The following FREM1 variants were observed in gnomAD, a reference collection of about 807,000 sequenced individuals.
FREM1 encodes FRAS1 related extracellular matrix 1.
A neutral mutation model predicts 210.1 loss-of-function variants in FREM1; 220 were observed. That is an observed-to-expected ratio of 1.05 (90% CI 0.94 to 1.17). FREM1 has a LOEUF of 1.17. Ranked by LOEUF, FREM1 falls within the 50% of genes most tolerant of loss-of-function variation. FREM1 has a pLI of 0.00. For missense variants in FREM1, 3,454 were observed against 2,675.5 expected (o/e 1.29, Z -6.42); for synonymous variants, 1,189 against 980.2 (o/e 1.21, Z -3.98).
At chr9:14,910,468 G>A (rs191013239), upstream of FREM1, 41 of 152,914 alleles carry the variant, frequency 2.7e-4, no homozygotes, top group Non-Finnish European at 6.0e-4. Flanking sequence ...AGCCTCTCCC[G>A]CCTGCAGCAC....
At chr9:14,795,967 A>G (rs1319558177) in intron 21 of FREM1, among the ~76,000 whole-genome samples, 9 of 152,178 alleles carry the variant, frequency 5.9e-5, no homozygotes. Flanking sequence ...GACAGCCTTC[A>G]TATTTTCATA....
chr9:14,806,715 C>A lies in FREM1; in HGVS notation c.3220G>T (p.Glu1074Ter), dbSNP rs746156557. The change falls in exon 18 of 37, where the codon GAA becomes TAA. Residue 1074 changes from glutamate to a stop codon, truncating the protein, a stop_gained. Transcript: ENST00000380880. LOFTEE classifies it high-confidence loss of function. ...AAACCCACAGAAGGGAGTATATTTT[C>A]GAGGTAGCCAAACTGAGGAGGAGAA... ...LVSPPQFGYL[E>*]NILPSVGFEK... is the part of the protein sequence containing the mutation. The A allele has an allele frequency of 2.5e-6, 4 of 1,603,824 alleles. No individual in the cohort carries two copies. The highest frequency in any genetic ancestry group is 3.4e-6 in the Non-Finnish European group (4 of 1,174,986).
chr9:14,884,701 CTG>C (rs1355523735), intron 1 of FREM1, among the ~76,000 whole-genome samples: 1 of 152,106 alleles, frequency 6.6e-6, no homozygotes, highest in African/African-American at 2.4e-5. Flanking sequence ...TTGAGATAAT[CTG>C]TGCACAACAA....
chr9:14,739,039 T>C (rs754917641), intron 36 of FREM1, among the ~76,000 whole-genome samples: 4 of 151,084 alleles, frequency 2.6e-5, no homozygotes, highest in African/African-American at 4.9e-5. Flanking sequence ...AGATTTATTA[T>C]TGTTAAAACT....
intron 8 of FREM1, among the ~76,000 whole-genome samples, chr9:14,844,750 A>G (rs929484204): frequency 3.9e-5 from 6 of 152,360 alleles, no homozygotes; most frequent in Middle Eastern, 3.4e-3. Context: ...TGTATGTGAC[A>G]TAGTTTGATA....
Position 14,859,231 on chromosome 9 carries a change from G to T in FREM1, c.583C>A (p.Pro195Thr), listed in dbSNP as rs779106239. 1 of 1,609,574 alleles carries T rather than the reference G, an allele frequency of 6.2e-7. No individual in the cohort carries two copies. Among genetic ancestry groups the T allele is most frequent in the East Asian group, 2.2e-5 (1 of 44,786 alleles). The change falls in exon 4 of 37, where the codon CCA becomes ACA. Residue 195 changes from proline to threonine, a missense_variant. Coordinates refer to ENST00000380880, the MANE Select transcript of FREM1 (RefSeq NM_001379081.2). ...GGCTGATCTCCACGAGGTTCTTCTG[G>T]TCGAGGCTCCCCGAGAACCATCTGG... Reference protein sequence around the residue: ...HGQMVLGEPRPEEPRGDQPHS... With the variant: ...HGQMVLGEPRTEEPRGDQPHS...
At chr9:14,820,498 G>A (rs1821094102) in intron 13 of FREM1, among the ~76,000 whole-genome samples, 1 of 152,188 alleles carries the variant, frequency 6.6e-6, no homozygotes, top group South Asian at 2.1e-4. Context: ...AAAGGAGGAT[G>A]ACAACAAATT....
intron 1 of FREM1, among the ~76,000 whole-genome samples, chr9:14,889,310 C>T (rs972071539): frequency 1.3e-5 from 2 of 152,198 alleles, no homozygotes; most frequent in Admixed American, 6.5e-5. Context: ...CAACATTGCC[C>T]CTTTAATCTT....
At position 14,824,013 on chromosome 9, in the gene FREM1, A is replaced by C. The variant is rs967793573; in HGVS notation, c.2169+12T>G. On this transcript the variant is annotated intron_variant, in intron 12 of 36. Transcript: ENST00000380880. ...GCATCATGTTTGTCAGCATTTTAGC[A>C]TATCCTCATACCTGAGTGAATGACC... is the stretch of plus-strand genomic sequence containing the variant. 3 of 1,540,568 alleles carry C rather than the reference A, an allele frequency of 1.9e-6. No homozygotes were observed. The highest frequency in any genetic ancestry group is 2.7e-6 in the Non-Finnish European group (3 of 1,126,854).
At chr9:14,908,212 GA>G (rs1818122634) in intron 1 of FREM1, among the ~76,000 whole-genome samples, 1 of 152,132 alleles carries the variant, frequency 6.6e-6, no homozygotes, top group Non-Finnish European at 1.5e-5. Flanking sequence ...TAACACCATG[GA>G]AGAATCATTT....
intron 29 of FREM1, among the ~76,000 whole-genome samples, chr9:14,752,305 A>C (rs527991558): frequency 6.6e-6 from 1 of 152,282 alleles, no homozygotes; most frequent in South Asian, 2.1e-4. Flanking sequence ...AGGAGGGAGG[A>C]AACAGGAAAA....
intron 5 of FREM1, among the ~76,000 whole-genome samples, chr9:14,854,912 C>T (rs1828441583): frequency 6.6e-6 from 1 of 151,950 alleles, no homozygotes; most frequent in Non-Finnish European, 1.5e-5. Flanking sequence ...ATAAAAGAAC[C>T]TTTGTTCAAT....
chr9:14,819,251 G>A lies in FREM1; in HGVS notation c.2529C>T (p.Leu843=), dbSNP rs758535373. ...NSGGTFSWGD[L]HTLKVRYQHD... is the part of the protein sequence containing the mutation. ...GTTCTAACCTAACTTTTAAGGTATG[G>A]AGATCGCCCCAAGAAAATGTGCCCC... The change falls in exon 14 of 37, where the codon CTC becomes CTT. Residue 843 remains leucine, a synonymous_variant. Transcript: ENST00000380880. The A allele has an allele frequency of 6.2e-7, 1 of 1,612,498 alleles. No homozygotes were observed. The highest frequency in any genetic ancestry group is 1.1e-5 in the South Asian group (1 of 90,892).
At chr9:14,829,048 T>C (rs1823038931) in intron 10 of FREM1, among the ~76,000 whole-genome samples, 1 of 152,264 alleles carries the variant, frequency 6.6e-6, no homozygotes, top group Non-Finnish European at 1.5e-5. Context: ...AGGTAAAATG[T>C]CTGGCACATA....
At chr9:14,793,599 G>A (rs546140248) in intron 21 of FREM1, among the ~76,000 whole-genome samples, 2 of 152,232 alleles carry the variant, frequency 1.3e-5, no homozygotes, top group South Asian at 4.1e-4. Flanking sequence ...CATTGTCCCT[G>A]GTCTCGCCAA....
chr9:14,778,094 T>A (rs978795016), intron 24 of FREM1, among the ~76,000 whole-genome samples: 2 of 152,126 alleles, frequency 1.3e-5, no homozygotes, highest in Non-Finnish European at 2.9e-5. Context: ...TTGTAAAGAA[T>A]GAAACCTCAT....
chr9:14,773,732 C>A (rs1848023930), intron 25 of FREM1, among the ~76,000 whole-genome samples: 1 of 151,904 alleles, frequency 6.6e-6, no homozygotes, highest in South Asian at 2.1e-4. Flanking sequence ...CTTACAATAG[C>A]CATGCTCTTT....
intron 13 of FREM1, among the ~76,000 whole-genome samples, chr9:14,822,801 G>A (rs201226154): frequency 1.3e-5 from 2 of 152,186 alleles, no homozygotes; most frequent in African/African-American, 4.8e-5. Context: ...TAGTTGGGCT[G>A]CAGTGAGGGT....
intron 3 of FREM1, among the ~76,000 whole-genome samples, chr9:14,860,948 C>T (rs139359944): frequency 0.27 from 13,480 of 50,206 alleles, 4,608 homozygotes; most frequent in African/African-American, 0.69. Context: ...CACATATACA[C>T]ATATACACAT....
Sources: gnomAD v4.1 joint callset for allele counts (sites outside exome capture counted in the v4.1 genomes callset) on GRCh38, gnomAD v4.1.1 for gene constraint, MANE v1.5 for transcripts, NCBI Gene and HGNC (gene_info 2026-07-23, HGNC 2026-07-21) for gene names.